Variants in TMEM260 observed in about 807,000 individuals in gnomAD.
The protein encoded by TMEM260 is protein O-mannosyl-transferase TMEM260.
Under a neutral mutation model 88.9 loss-of-function variants are expected in TMEM260, and 82 were observed. That is an observed-to-expected ratio of 0.92 (90% CI 0.77 to 1.11). TMEM260 has a LOEUF of 1.11. Among genes scored for constraint, TMEM260 ranks in the 50% least tolerant of loss-of-function variants. The pLI, the probability that TMEM260 is intolerant of heterozygous loss-of-function variation, is 0.00. For synonymous variants in TMEM260, 314 were observed against 309.3 expected (o/e 1.02, Z -0.16); for missense variants, 902 against 853.4 (o/e 1.06, Z -0.71).
At chr14:56,624,593 C>T (rs897953994) in intron 11 of TMEM260, among the ~76,000 whole-genome samples, 7 of 151,894 alleles carry the variant, frequency 4.6e-5, no homozygotes, top group African/African-American at 1.2e-4. Context: ...ATTTGAGAAC[C>T]GTTCTATGCC....
the TMEM260 span, among the ~76,000 whole-genome samples, chr14:56,657,156 C>T: frequency 6.6e-6 from 1 of 152,126 alleles, no homozygotes; most frequent in African/African-American, 2.4e-5. Context: ...GGAGGACTGG[C>T]GTAGGTCAGA....
chr14:56,598,375 A>T (rs530485029), intron 3 of TMEM260, among the ~76,000 whole-genome samples: 6 of 152,244 alleles, frequency 3.9e-5, no homozygotes, highest in African/African-American at 1.4e-4. Flanking sequence ...AGGTCCAGAA[A>T]GCCTGTTGCC....
At chr14:56,585,564 G>A (rs4898906) in intron 2 of TMEM260, 197 bp from the exon 3 acceptor site, 212,061 of 543,268 alleles carry the variant, frequency 0.39, 42,495 homozygotes, top group South Asian at 0.49. Flanking sequence ...TGTGATAGAC[G>A]CTGCCAAATC....
rs772523977 is a variant in TMEM260, at chr14:56,615,998, A to G, written c.912A>G (p.Ala304=). The G allele has an allele frequency of 3.7e-6, 6 of 1,613,026 alleles. No homozygotes were observed. The highest frequency in any genetic ancestry group is 2.2e-5 in the East Asian group (1 of 44,786). Reference sequence around the variant, plus strand: ...TCTCATTCAACATCCAAGCCCTTGCAGTTTGTGCAAATATATGTTTAGCAA... The same window carrying G: ...TCTCATTCAACATCCAAGCCCTTGCGGTTTGTGCAAATATATGTTTAGCAA... ...TELSFNIQAL[A]VCANICLATK... Residue 304 remains alanine, a synonymous_variant, in exon 8 of 16, where the codon GCA becomes GCG. Coordinates refer to ENST00000261556, the MANE Select transcript of TMEM260 (RefSeq NM_017799.4).
chr14:56,586,395 G>T lies in TMEM260; in HGVS notation c.344+483G>T, dbSNP rs369363743. ...GAAATCAATTTGGGATGTGGTTTTA[G>T]TAAGGTTTCACTCTGCTCCGTTATG... is the stretch of plus-strand genomic sequence containing the variant. On this transcript the variant is annotated intron_variant, in intron 3 of 15. Coordinates refer to ENST00000261556, the MANE Select transcript of TMEM260 (RefSeq NM_017799.4). Among the ~76,000 whole-genome samples, 28 of 152,220 alleles carry T rather than the reference G, an allele frequency of 1.8e-4. No homozygotes were observed. The East Asian group carries it at 2.5e-3, about 14-fold the overall frequency.
intron 6 of TMEM260, 41 bp downstream of exon 6, chr14:56,609,326 A>G (rs752877472): frequency 1.3e-6 from 2 of 1,571,426 alleles, no homozygotes; most frequent in Non-Finnish European, 1.7e-6. Context: ...AACAAGTGGC[A>G]AAACTTCAGT....
chr14:56,636,639 G>C, intron 15 of TMEM260, 41 bp downstream of exon 15: 1 of 1,546,878 alleles, frequency 6.5e-7, no homozygotes, highest in Non-Finnish European at 8.9e-7. Context: ...TATATTTGGT[G>C]GGAAGGTGAT....
chr14:56,584,952 A>T, intron 1 of TMEM260, 49 bp from the exon 2 acceptor site: 1 of 1,539,166 alleles, frequency 6.5e-7, no homozygotes, highest in Admixed American at 1.8e-5. Flanking sequence ...ACTTTGGAGG[A>T]GTGTCATTCT....
Position 56,580,030 on chromosome 14 carries a change from T to C in TMEM260, c.116T>C (p.Val39Ala), listed in dbSNP as rs575803718. Reference sequence around the variant, plus strand: ...GCGGTGTTCGCCGCCGTGGCCGCAGTGTTCACCTTCACCCTGCCCCCTTCG... The same window carrying C: ...GCGGTGTTCGCCGCCGTGGCCGCAGCGTTCACCTTCACCCTGCCCCCTTCG... ...GVAVFAAVAA[V>A]FTFTLPPSVP... is the part of the protein sequence containing the mutation. Residue 39 changes from valine to alanine, a missense_variant, in exon 1 of 16, where the codon GTG (valine) becomes GCG (alanine). Val to Ala is a moderately conservative substitution (Grantham distance 64). Coordinates refer to ENST00000261556, the MANE Select transcript of TMEM260 (RefSeq NM_017799.4). 1.8e-4 allele frequency: 226 copies of C among 1,250,562 alleles called. No homozygotes were observed. The highest frequency in any genetic ancestry group is 8.7e-4 in the Admixed American group (21 of 24,038). 77.5% of individuals were successfully genotyped at this position (1,250,562 alleles called of 1,614,324 possible).
At chr14:56,630,578 T>G (rs1309589227) in intron 12 of TMEM260, among the ~76,000 whole-genome samples, 2 of 152,214 alleles carry the variant, frequency 1.3e-5, no homozygotes, top group African/African-American at 4.8e-5. Context: ...AGCTTCTCCA[T>G]CTTTCCTTTT....
intron 3 of TMEM260, among the ~76,000 whole-genome samples, chr14:56,601,148 T>G (rs1050275929): frequency 6.6e-6 from 1 of 152,218 alleles, no homozygotes; most frequent in African/African-American, 2.4e-5. Context: ...CATTCTTCAA[T>G]TTTTAAAACC....
Position 56,580,078 on chromosome 14 carries a change from A to C in TMEM260, c.160+4A>C, listed in dbSNP as rs1305057622. The C allele has an allele frequency of 8.0e-7, 1 of 1,251,084 alleles. No homozygotes were observed. The highest frequency in any genetic ancestry group is 1.0e-6 in the Non-Finnish European group (1 of 989,900). The allele number at this position is 1,251,084 out of a possible 1,614,324, so 77.5% of individuals were successfully genotyped here. ...TCGGTACCGGGGGGAGACTCCGGTA[A>C]AGTACTCGCAGGGTTGCCCCTTCTG... On this transcript the variant is annotated splice_donor_region_variant and intron_variant, in intron 1 of 15. Coordinates refer to ENST00000261556, the MANE Select transcript of TMEM260 (RefSeq NM_017799.4).
intron 12 of TMEM260, among the ~76,000 whole-genome samples, chr14:56,631,392 G>A (rs574686411): frequency 1.3e-5 from 2 of 152,272 alleles, no homozygotes; most frequent in Admixed American, 6.5e-5. Flanking sequence ...GGAGGCTGAG[G>A]CAGGTGGATC....
At chr14:56,629,043 G>A (rs185669247) in intron 12 of TMEM260, among the ~76,000 whole-genome samples, 1 of 151,900 alleles carries the variant, frequency 6.6e-6, no homozygotes, top group Non-Finnish European at 1.5e-5. Flanking sequence ...TTACAGGCAT[G>A]TGCCACCAAG....
At position 56,636,693 on chromosome 14, in the gene TMEM260, TTTA is replaced by T. The variant is rs1241429200; in HGVS notation, c.1869+101_1869+103del. ...ATAGAGGGTATATCACATTAGAATTTTTATTATTTTATTTCTCTCAATTTGGGT... is the reference window on the plus strand; with the variant it reads ...ATAGAGGGTATATCACATTAGAATTTTTATTTTATTTCTCTCAATTTGGGT... On this transcript the variant is annotated intron_variant, in intron 15 of 15. Transcript: ENST00000261556. 9.5e-6 allele frequency: 10 copies of T among 1,047,940 alleles called. No homozygotes were observed. The African/African-American group carries it at 1.7e-4, about 18-fold the overall frequency. 64.9% of individuals were successfully genotyped at this position (1,047,940 alleles called of 1,614,324 possible).
intron 3 of TMEM260, among the ~76,000 whole-genome samples, chr14:56,598,538 T>C (rs1027443060): frequency 1.3e-5 from 2 of 152,226 alleles, no homozygotes; most frequent in Admixed American, 6.5e-5. Context: ...ACCTGCTTTG[T>C]AGTCATTTAT....
At chr14:56,643,763 A>C (rs1264763560) in intron 15 of TMEM260, among the ~76,000 whole-genome samples, 1 of 152,168 alleles carries the variant, frequency 6.6e-6, no homozygotes, top group Non-Finnish European at 1.5e-5. Context: ...AGAAAACCCC[A>C]CTGTCTCAGC....
chr14:56,634,995 T>G, intron 14 of TMEM260, 43 bp downstream of exon 14: 1 of 1,569,446 alleles, frequency 6.4e-7, no homozygotes, highest in Admixed American at 1.7e-5. Flanking sequence ...ATTTTTAATA[T>G]GGCAGGGAAG....
chr14:56,620,402 C>T (rs1364381769), intron 10 of TMEM260, among the ~76,000 whole-genome samples: 2 of 152,206 alleles, frequency 1.3e-5, no homozygotes, highest in East Asian at 3.9e-4. Flanking sequence ...CTGGACACAA[C>T]ATCATCGCTA....
Sources: allele counts gnomAD v4.1 joint callset (sites outside exome capture counted in the v4.1 genomes callset), GRCh38; gene constraint gnomAD v4.1.1; transcripts MANE v1.5; gene names NCBI Gene and HGNC (gene_info 2026-07-23, HGNC 2026-07-21).